GRIA2: variants seen among roughly 807,000 people sequenced by gnomAD.
GRIA2 encodes the protein glutamate ionotropic receptor AMPA type subunit 2.
In GRIA2, 14 loss-of-function variants were observed where a neutral mutation model predicts 97.3. The observed-to-expected ratio is 0.14, with a 90% CI of 0.10 to 0.23. The LOEUF is 0.23. GRIA2 is among the 10% of genes least tolerant of loss of function. The pLI is 1.00. For missense variants in GRIA2, 558 were observed against 1,069.8 expected, an observed-to-expected ratio of 0.52 and a Z score of 6.67; for synonymous variants, 412 against 387.8, an observed-to-expected ratio of 1.06 and a Z score of -0.73.
intron 2 of GRIA2, among the ~76,000 whole-genome samples, chr4:157,240,771 C>T (rs1730472222): frequency 6.6e-6 from 1 of 151,528 alleles, no homozygotes; most frequent in Admixed American, 6.6e-5. Flanking sequence ...AGGTTAGTTA[C>T]ATATGTATAC....
intron 2 of GRIA2, among the ~76,000 whole-genome samples, chr4:157,256,255 A>T (rs1214539246): frequency 5.1e-5 from 3 of 59,016 alleles, no homozygotes; most frequent in African/African-American, 2.8e-4. Context: ...TAATATATAA[A>T]TTATATATTA....
chr4:157,252,779 T>C (rs919364160), intron 2 of GRIA2, among the ~76,000 whole-genome samples: 10 of 152,218 alleles, frequency 6.6e-5, no homozygotes, highest in African/African-American at 2.4e-4. Context: ...ACATTATAGA[T>C]AACCCTTAAG....
chr4:157,283,051 G>T (rs114092459), intron 2 of GRIA2, among the ~76,000 whole-genome samples: 2,231 of 151,994 alleles, frequency 0.015, 31 homozygotes, highest in Non-Finnish European at 0.024. Flanking sequence ...TTAGACTATT[G>T]AAATATCTAC....
Position 157,349,015 on chromosome 4 carries a change from A to G in GRIA2, c.2043+7553A>G, listed in dbSNP as rs547452127. Among the ~76,000 whole-genome samples the G allele has an allele frequency of 4.6e-5, 7 of 152,332 alleles. No homozygotes were observed. The East Asian group carries it at 1.4e-3, about 29-fold the overall frequency. ...TAGTCTTTCATTCCTGACATAGCAAAAAGAATGCAGACTTAAGCTAAATCC... is the reference window on the plus strand; with the variant it reads ...TAGTCTTTCATTCCTGACATAGCAAGAAGAATGCAGACTTAAGCTAAATCC... On this transcript the variant is annotated intron_variant, in intron 12 of 15. Transcript: ENST00000264426.
chr4:157,291,328 T>C (rs1281086206), intron 2 of GRIA2, among the ~76,000 whole-genome samples: 3 of 152,038 alleles, frequency 2.0e-5, no homozygotes, highest in Non-Finnish European at 2.9e-5. Flanking sequence ...GCTATTTTTT[T>C]ATTTGCCTTG....
At chr4:157,316,519 G>A (rs1455089758) in intron 4 of GRIA2, among the ~76,000 whole-genome samples, 1 of 152,006 alleles carries the variant, frequency 6.6e-6, no homozygotes, top group African/African-American at 2.4e-5. Context: ...GTGTAAGAAT[G>A]TTCAAGAGTT....
intron 2 of GRIA2, among the ~76,000 whole-genome samples, chr4:157,266,449 T>C (rs755721867): frequency 6.6e-6 from 1 of 151,126 alleles, no homozygotes; most frequent in African/African-American, 2.4e-5. Flanking sequence ...GCTTAAAGAG[T>C]GTGGTGTCGT....
intron 2 of GRIA2, among the ~76,000 whole-genome samples, chr4:157,283,530 A>G (rs1732702822): frequency 6.6e-6 from 1 of 152,016 alleles, no homozygotes; most frequent in African/African-American, 2.4e-5. Context: ...TTAATGAGCA[A>G]AAACAATTTC....
At chr4:157,342,111 G>A in intron 12 of GRIA2, 1 of 974,518 alleles carries the variant, frequency 1.0e-6, no homozygotes, top group Non-Finnish European at 1.2e-6. Flanking sequence ...TTCTACTATT[G>A]TGTGTATAAA....
chr4:157,258,629 G>A (rs1731388722), intron 2 of GRIA2, among the ~76,000 whole-genome samples: 1 of 151,982 alleles, frequency 6.6e-6, no homozygotes. Flanking sequence ...TGAAGCATGT[G>A]ATCTCTGTGA....
At chr4:157,316,392 G>A (rs951552692) in intron 4 of GRIA2, among the ~76,000 whole-genome samples, 2 of 152,078 alleles carry the variant, frequency 1.3e-5, no homozygotes, top group Non-Finnish European at 2.9e-5. Flanking sequence ...ATATCAAAGT[G>A]GCATATGGTA....
chr4:157,365,868 A>G lies in GRIA2; in HGVS notation c.*2437A>G, dbSNP rs1454868853. On this transcript the variant is annotated 3_prime_UTR_variant, in exon 16 of 16. Coordinates refer to ENST00000264426, the MANE Select transcript of GRIA2 (RefSeq NM_001083619.3). ...TTTTTTGTTTACAGTATAGTACCTT[A>G]TTTTCTGCTGTGTTAAGTGGGTGTC... 6.6e-6 allele frequency: 1 copy of G among 151,640 alleles called. No individual in the cohort carries two copies. Among genetic ancestry groups the G allele is most frequent in the Non-Finnish European group, 1.5e-5 (1 of 67,488 alleles). 9.4% of individuals were successfully genotyped at this position (151,640 alleles called of 1,614,324 possible).
intron 5 of GRIA2, among the ~76,000 whole-genome samples, chr4:157,320,872 A>C (rs778780721): frequency 6.6e-6 from 1 of 152,276 alleles, no homozygotes; most frequent in African/African-American, 2.4e-5. Context: ...GCAATAACAC[A>C]AGATAAATTT....
At chr4:157,271,375 T>C (rs1732016473) in intron 2 of GRIA2, among the ~76,000 whole-genome samples, 1 of 152,062 alleles carries the variant, frequency 6.6e-6, no homozygotes, top group African/African-American at 2.4e-5. Flanking sequence ...CAGGTTGTTT[T>C]AGCTGTGCTT....
At chr4:157,278,899 A>C (rs1490150314) in intron 2 of GRIA2, among the ~76,000 whole-genome samples, 1 of 152,080 alleles carries the variant, frequency 6.6e-6, no homozygotes, top group African/African-American at 2.4e-5. Context: ...ATATTTCCAC[A>C]ATAAGATACC....
At chr4:157,295,670 C>A (rs1733314170) in intron 2 of GRIA2, among the ~76,000 whole-genome samples, 1 of 152,020 alleles carries the variant, frequency 6.6e-6, no homozygotes, top group Non-Finnish European at 1.5e-5. Context: ...GAAAAGTGAA[C>A]TTTAAAATAA....
intron 2 of GRIA2, among the ~76,000 whole-genome samples, chr4:157,230,199 G>A (rs757760499): frequency 3.3e-5 from 5 of 152,014 alleles, no homozygotes; most frequent in Non-Finnish European, 7.4e-5. Flanking sequence ...TTCAGATTTA[G>A]CATTCATTTT....
intron 2 of GRIA2, among the ~76,000 whole-genome samples, chr4:157,295,397 A>G (rs879466379): frequency 6.6e-6 from 1 of 152,118 alleles, no homozygotes; most frequent in Non-Finnish European, 1.5e-5. Flanking sequence ...AGGGAAAATC[A>G]TCATTGAGGC....
rs1375706468 is a variant in GRIA2 at position 157,364,699 on chromosome 4, T to A, written c.*1268T>A. 1 of 152,138 alleles carries A rather than the reference T, an allele frequency of 6.6e-6. No individual in the cohort carries two copies. Among genetic ancestry groups the A allele is most frequent in the East Asian group, 1.9e-4 (1 of 5,176 alleles). The allele number at this position is 152,138 out of a possible 1,614,324, so 9.4% of individuals were successfully genotyped here. On this transcript the variant is annotated 3_prime_UTR_variant, in exon 16 of 16. Coordinates refer to ENST00000264426, the MANE Select transcript of GRIA2 (RefSeq NM_001083619.3). ...TTGATTAAATTCCAAAAACTAAATA[T>A]GTTTTTAGCTTTAAAATTATAAAAG...
Sources: allele counts gnomAD v4.1 joint callset (sites outside exome capture counted in the v4.1 genomes callset), GRCh38; gene constraint gnomAD v4.1.1; transcripts MANE v1.5; gene names NCBI Gene and HGNC (gene_info 2026-07-23, HGNC 2026-07-21).